The following PHYHIPL variants were observed in gnomAD, a reference collection of about 807,000 sequenced individuals.
PHYHIPL encodes phytanoyl-CoA 2-hydroxylase interacting protein like, also known as phytanoyl-CoA hydroxylase-interacting protein-like.
In PHYHIPL, 9 loss-of-function variants were observed where a neutral mutation model predicts 33.4. The observed-to-expected ratio is 0.27, with a 90% CI of 0.16 to 0.47. The LOEUF (loss-of-function observed/expected upper bound fraction) is 0.47, where lower values mean the gene tolerates loss of function less well. Ranked by LOEUF, PHYHIPL falls within the 20% of genes least tolerant of loss-of-function variation. The pLI is 0.99. For synonymous variants in PHYHIPL, 153 were observed against 154.1 expected (o/e 0.99, Z 0.05); for missense variants, 365 against 460.7 (o/e 0.79, Z 1.90).
At chr10:59,200,602 C>G (rs1377750863) in intron 1 of PHYHIPL, among the ~76,000 whole-genome samples, 5 of 152,122 alleles carry the variant, frequency 3.3e-5, no homozygotes, top group African/African-American at 1.2e-4. Flanking sequence ...CCCCCTTTTT[C>G]TACTGATCGG....
intron 1 of PHYHIPL, among the ~76,000 whole-genome samples, chr10:59,186,071 T>A (rs1239013253): frequency 1.3e-5 from 2 of 152,260 alleles, no homozygotes; most frequent in East Asian, 1.9e-4. Flanking sequence ...ATTGCCTGGG[T>A]TTTCTTCTAG....
At chr10:59,230,497 G>C (rs1022381107) in intron 1 of PHYHIPL, among the ~76,000 whole-genome samples, 2 of 152,104 alleles carry the variant, frequency 1.3e-5, no homozygotes, top group Non-Finnish European at 2.9e-5. Flanking sequence ...TTACAGGCAC[G>C]AGGCACTGAG....
At chr10:59,214,774 G>T (rs1405494535) in intron 1 of PHYHIPL, among the ~76,000 whole-genome samples, 1 of 151,998 alleles carries the variant, frequency 6.6e-6, no homozygotes, top group African/African-American at 2.4e-5. Flanking sequence ...AAAAAGCTTA[G>T]AGACAAAGAT....
intron 1 of PHYHIPL, among the ~76,000 whole-genome samples, chr10:59,210,003 C>CA (rs1249244743): frequency 6.6e-6 from 1 of 152,144 alleles, no homozygotes; most frequent in Non-Finnish European, 1.5e-5. Context: ...CAATACCATT[C>CA]AGGACACAGG....
At chr10:59,223,058 CTG>C (rs2133261656) in intron 1 of PHYHIPL, among the ~76,000 whole-genome samples, 1 of 152,272 alleles carries the variant, frequency 6.6e-6, no homozygotes, top group African/African-American at 2.4e-5. Context: ...CTTAGCCACT[CTG>C]TAACTAATCA....
At position 59,225,188 on chromosome 10, in the gene PHYHIPL, T is replaced by C. The variant is rs538879726; in HGVS notation, c.107-9116T>C. ...AAACTCTTCTTAACAATAAAACTTA[T>C]GTAAGGATTCCATCAACATTATACT... On this transcript the variant is annotated intron_variant, in intron 1 of 4. Coordinates refer to ENST00000373880, the MANE Select transcript of PHYHIPL (RefSeq NM_032439.4). Among the ~76,000 whole-genome samples, 21 of 37,220 alleles carry C rather than the reference T, an allele frequency of 5.6e-4. 1 individual carries two copies. The highest frequency in any genetic ancestry group is 1.5e-3 in the East Asian group (1 of 670). The allele number at this position is 37,220 out of a possible 152,430, so 24.4% of individuals were successfully genotyped here. A position where few individuals can be genotyped will look rare whatever the true frequency, so the allele number is the denominator to read the frequency against.
At chr10:59,234,827 AATCC>A (rs1240060046) in intron 2 of PHYHIPL, among the ~76,000 whole-genome samples, 3 of 151,876 alleles carry the variant, frequency 2.0e-5, no homozygotes, top group Non-Finnish European at 4.4e-5. Flanking sequence ...TTCAAAGGGA[AATCC>A]AAAGAAAAGA....
intron 1 of PHYHIPL, among the ~76,000 whole-genome samples, chr10:59,208,067 C>T (rs1173691315): frequency 1.3e-5 from 2 of 152,142 alleles, no homozygotes; most frequent in African/African-American, 4.8e-5. Context: ...AGCACTCGAG[C>T]TCTGCTAAGG....
At chr10:59,230,212 C>CTTTTTTTTTTTTTTTTTTT (rs71006238) in intron 1 of PHYHIPL, among the ~76,000 whole-genome samples, 1 of 123,378 alleles carries the variant, frequency 8.1e-6, no homozygotes, top group Non-Finnish European at 1.6e-5. Flanking sequence ...AAATTGCTTT[C>CTTTTTTTTTTTTTTTTTTT]TTTTTTTTTT....
chr10:59,234,687 A>G (rs1008219921), intron 2 of PHYHIPL, among the ~76,000 whole-genome samples, 187 bp downstream of exon 2: 10 of 151,860 alleles, frequency 6.6e-5, no homozygotes, highest in African/African-American at 2.4e-4. Flanking sequence ...ATGAAATGCC[A>G]TGCTTTTTGT....
At chr10:59,200,718 A>C (rs1839076437) in intron 1 of PHYHIPL, among the ~76,000 whole-genome samples, 1 of 152,150 alleles carries the variant, frequency 6.6e-6, no homozygotes. Context: ...GCTATTATTT[A>C]CTGCCTCAAT....
At chr10:59,239,364 C>A (rs1470031482) in intron 4 of PHYHIPL, among the ~76,000 whole-genome samples, 2 of 151,872 alleles carry the variant, frequency 1.3e-5, no homozygotes, top group Non-Finnish European at 2.9e-5. Flanking sequence ...CTTTTAAAAC[C>A]ATCAGATCTC....
At chr10:59,195,751 G>A (rs1035390747) in intron 1 of PHYHIPL, among the ~76,000 whole-genome samples, 1 of 151,944 alleles carries the variant, frequency 6.6e-6, no homozygotes, top group African/African-American at 2.4e-5. Context: ...TCTACTACTT[G>A]GTAAATTATA....
At chr10:59,213,712 T>C (rs1433207) in intron 1 of PHYHIPL, among the ~76,000 whole-genome samples, 15,645 of 152,188 alleles carry the variant, frequency 0.1, 930 homozygotes, top group South Asian at 0.2. Flanking sequence ...TAATGTTGTG[T>C]AAGTTAGAGT....
At chr10:59,228,806 C>T (rs1302440932) in intron 1 of PHYHIPL, among the ~76,000 whole-genome samples, 1 of 152,140 alleles carries the variant, frequency 6.6e-6, no homozygotes, top group Non-Finnish European at 1.5e-5. Context: ...TAACTACCAT[C>T]ATTACCTTTG....
At chr10:59,208,528 A>G (rs1839353994) in intron 1 of PHYHIPL, among the ~76,000 whole-genome samples, 1 of 152,160 alleles carries the variant, frequency 6.6e-6, no homozygotes, top group South Asian at 2.1e-4. Flanking sequence ...CCTCCAAAGG[A>G]TCACAACTCC....
chr10:59,195,076 GT>G (rs1200286183), intron 1 of PHYHIPL, among the ~76,000 whole-genome samples: 5 of 152,220 alleles, frequency 3.3e-5, no homozygotes, highest in African/African-American at 9.6e-5. Flanking sequence ...GAAAGGATTT[GT>G]TAAAAGTGTT....
At chr10:59,207,369 G>T (rs1489603076) in intron 1 of PHYHIPL, among the ~76,000 whole-genome samples, 1 of 152,180 alleles carries the variant, frequency 6.6e-6, no homozygotes, top group East Asian at 1.9e-4. Context: ...ATGAGGGACT[G>T]TGCCATGAGG....
At chr10:59,195,145 G>A (rs1024620663) in intron 1 of PHYHIPL, among the ~76,000 whole-genome samples, 13 of 152,196 alleles carry the variant, frequency 8.5e-5, no homozygotes, top group African/African-American at 2.4e-4. Context: ...TTAAGGTATT[G>A]TTTAATTTAT....
Sources: allele counts gnomAD v4.1 joint callset (sites outside exome capture counted in the v4.1 genomes callset), GRCh38; gene constraint gnomAD v4.1.1; transcripts MANE v1.5; gene names NCBI Gene and HGNC (gene_info 2026-07-23, HGNC 2026-07-21).